Variants in GNPTAB observed in about 807,000 individuals in gnomAD.
GNPTAB encodes N-acetylglucosamine-1-phosphate transferase subunits alpha and beta.
Under a neutral mutation model 136.6 loss-of-function variants are expected in GNPTAB, and 92 were observed. That is an observed-to-expected ratio of 0.67 (90% CI 0.57 to 0.80). GNPTAB has a LOEUF of 0.80. Among genes scored for constraint, GNPTAB ranks in the 30% least tolerant of loss-of-function variants. GNPTAB has a pLI of 0.00. For missense variants in GNPTAB, 1,343 were observed against 1,501.8 expected (o/e 0.89, Z 1.75); for synonymous variants, 512 against 535.1 (o/e 0.96, Z 0.60).
At chr12:101,796,168 C>G (rs1869270362) in intron 2 of GNPTAB, 1 of 699,216 alleles carries the variant, frequency 1.4e-6, no homozygotes, top group East Asian at 2.7e-5. Context: ...AGGACGCTGT[C>G]AACAGAATTC....
chr12:101,746,972 C>A lies in GNPTAB; in HGVS notation c.*192G>T. 4 of 595,744 alleles carry A rather than the reference C, an allele frequency of 6.7e-6. 1 individual carries two copies. In the South Asian group the frequency reaches 7.7e-5, roughly 11 times the overall value. The allele number at this position is 595,744 out of a possible 1,614,324, so 36.9% of individuals were successfully genotyped here. ...AATCAGTTCAGAGCTGCTCAACACACAAGTTTTCAGTGGGTTGGTTAAATA... is the reference window on the plus strand; with the variant it reads ...AATCAGTTCAGAGCTGCTCAACACAAAAGTTTTCAGTGGGTTGGTTAAATA... On this transcript the variant is annotated 3_prime_UTR_variant, in exon 21 of 21. Transcript: ENST00000299314.
chr12:101,757,303 T>C lies in GNPTAB; in HGVS notation c.3343A>G (p.Ile1115Val). ...YKDKNKYRFE[I>V]MGEEEIAFKM... is the part of the protein sequence containing the mutation. ...AAAGCGATTTCTTCTTCTCCCATGA[T>C]TTCAAACCTAATTATCAAAACATAT... is the stretch of plus-strand genomic sequence containing the variant. The change falls in exon 18 of 21, where the codon ATC becomes GTC. Residue 1115 changes from isoleucine (I) to valine (V), a missense_variant. Transcript: ENST00000299314. The C allele has an allele frequency of 6.4e-7, 1 of 1,572,688 alleles. No individual in the cohort carries two copies. The highest frequency in any genetic ancestry group is 8.7e-7 in the Non-Finnish European group (1 of 1,143,128).
chr12:101,828,436 AATC>A (rs1379074336), intron 1 of GNPTAB, among the ~76,000 whole-genome samples: 3 of 152,194 alleles, frequency 2.0e-5, no homozygotes, highest in African/African-American at 7.2e-5. Context: ...AAAGCAAGCG[AATC>A]ATGAGGTCAG....
intron 7 of GNPTAB, among the ~76,000 whole-genome samples, chr12:101,772,295 T>C (rs903528441): frequency 9.9e-5 from 15 of 152,252 alleles, no homozygotes; most frequent in African/African-American, 3.4e-4. Context: ...TACGGTCTTC[T>C]TTCTCAATCT....
intron 8 of GNPTAB, 140 bp downstream of exon 8, chr12:101,770,856 G>A (rs764004905): frequency 5.8e-6 from 5 of 862,662 alleles, no homozygotes; most frequent in Non-Finnish European, 9.7e-6. Flanking sequence ...CCAAACCAAT[G>A]GCAGTGACTG....
At chr12:101,824,037 T>C (rs908730625) in intron 1 of GNPTAB, among the ~76,000 whole-genome samples, 1 of 152,122 alleles carries the variant, frequency 6.6e-6, no homozygotes, top group Non-Finnish European at 1.5e-5. Context: ...AGCCTTGTGA[T>C]TATCTTCTGA....
In GNPTAB at chr12:101,786,021, T is replaced by C; in HGVS notation, c.562A>G (p.Thr188Ala). The change falls in exon 5 of 21, where the codon ACT (threonine) becomes GCT (alanine). Residue 188 changes from threonine to alanine, a missense_variant. Coordinates refer to ENST00000299314, the MANE Select transcript of GNPTAB (RefSeq NM_024312.5). ...CATAAAAAGATCTTACCATCCTTAG[T>C]ACTGTCAAAAACAACAACTGAGACA... ...TNVSVVVFDS[T>A]KDVEDAHSGL... is the part of the protein sequence containing the mutation. 4 of 1,609,482 alleles carry C rather than the reference T, an allele frequency of 2.5e-6. No homozygotes were observed. The South Asian group carries it at 3.3e-5, about 13-fold the overall frequency.
Position 101,764,748 on chromosome 12 carries a change from G to A in GNPTAB, c.2169C>T (p.Ile723=), listed in dbSNP as rs759172158. 2.5e-6 allele frequency: 4 copies of A among 1,613,982 alleles called. 1 individual carries two copies. The South Asian group carries it at 4.4e-5, about 18-fold the overall frequency. ...TGGACAAATTGTATCCTTTCAAAGT[G>A]ATGTCTCCATGTTCCAGTTGCAAAT... ...TLDLQLEHGD[I]TLKGYNLSKS... The change falls in exon 13 of 21, where the codon ATC becomes ATT. Residue 723 remains isoleucine, a synonymous_variant. Transcript: ENST00000299314.
At chr12:101,758,776 G>A (rs1952942472) in intron 16 of GNPTAB, among the ~76,000 whole-genome samples, 1 of 152,184 alleles carries the variant, frequency 6.6e-6, no homozygotes, top group African/African-American at 2.4e-5. Context: ...TCATGAGGGA[G>A]GAGGTGTCCT....
At chr12:101,803,054 TA>T (rs925599446) in intron 1 of GNPTAB, among the ~76,000 whole-genome samples, 8 of 148,116 alleles carry the variant, frequency 5.4e-5, no homozygotes, top group Admixed American at 1.3e-4. Context: ...AGGCTGAGTT[TA>T]AAAAAAAAAG....
intron 19 of GNPTAB, among the ~76,000 whole-genome samples, chr12:101,752,906 A>G (rs904221962): frequency 2.0e-5 from 3 of 152,230 alleles, no homozygotes; most frequent in African/African-American, 7.2e-5. Flanking sequence ...ATTAAACGCA[A>G]TAAAAATTAT....
rs2137116700 is a variant in GNPTAB at position 101,764,628 on chromosome 12, C to G, written c.2289G>C (p.Val763=). ...TATGAACCTGTTTTTCCTGTGGAGCCACCAAACTGTCATTTGTTTCATCTG... is the reference window on the plus strand; with the variant it reads ...TATGAACCTGTTTTTCCTGTGGAGCGACCAAACTGTCATTTGTTTCATCTG... The part of the protein sequence containing the change: ...IITDETNDSL[V]APQEKQVHKS... The change falls in exon 13 of 21, where the codon GTG becomes GTC. Residue 763 remains valine, a synonymous_variant. Coordinates refer to ENST00000299314, the MANE Select transcript of GNPTAB (RefSeq NM_024312.5). The G allele has an allele frequency of 6.2e-7, 1 of 1,614,034 alleles. No individual in the cohort carries two copies.
intron 19 of GNPTAB, among the ~76,000 whole-genome samples, chr12:101,749,562 T>G (rs1400495991): frequency 2.6e-5 from 4 of 152,368 alleles, no homozygotes; most frequent in African/African-American, 9.6e-5. Flanking sequence ...ATGAAGTCCC[T>G]GCTTTTAAGT....
At chr12:101,793,577 ACT>A (rs1869116092) in intron 2 of GNPTAB, among the ~76,000 whole-genome samples, 1 of 152,162 alleles carries the variant, frequency 6.6e-6, no homozygotes, top group African/African-American at 2.4e-5. Flanking sequence ...ACATGGTCAC[ACT>A]CTGAATCTTT....
At chr12:101,758,876 TCTA>T (rs1329713047) in intron 16 of GNPTAB, among the ~76,000 whole-genome samples, 1 of 152,176 alleles carries the variant, frequency 6.6e-6, no homozygotes, top group African/African-American at 2.4e-5. Context: ...GAAAGCAAAA[TCTA>T]CTCATTGTAG....
At chr12:101,803,846 C>T (rs1869783970) in intron 1 of GNPTAB, among the ~76,000 whole-genome samples, 1 of 151,890 alleles carries the variant, frequency 6.6e-6, no homozygotes, top group South Asian at 2.1e-4. Context: ...GGAGAGAGAG[C>T]TGAGATTTTT....
intron 2 of GNPTAB, among the ~76,000 whole-genome samples, chr12:101,792,104 A>C (rs1209069845): frequency 6.6e-6 from 1 of 152,110 alleles, no homozygotes; most frequent in Non-Finnish European, 1.5e-5. Flanking sequence ...CGGGGCGGTC[A>C]GTTTTAAATA....
intron 1 of GNPTAB, among the ~76,000 whole-genome samples, chr12:101,827,948 G>A (rs913737235): frequency 2.0e-5 from 3 of 152,116 alleles, no homozygotes; most frequent in Admixed American, 1.3e-4. Context: ...GCGTGGGCAA[G>A]AGTGAGACTC....
chr12:101,799,637 T>G (rs1027862211), intron 1 of GNPTAB, among the ~76,000 whole-genome samples: 1 of 152,196 alleles, frequency 6.6e-6, no homozygotes, highest in Non-Finnish European at 1.5e-5. Context: ...AGTGTTTTGG[T>G]TGTACAACAA....
Sources: allele counts gnomAD v4.1 joint callset (sites outside exome capture counted in the v4.1 genomes callset), GRCh38; gene constraint gnomAD v4.1.1; transcripts MANE v1.5; gene names NCBI Gene and HGNC (gene_info 2026-07-23, HGNC 2026-07-21).